ELAVL2: variants seen among roughly 807,000 people sequenced by gnomAD.
The protein encoded by ELAVL2 is ELAV-like protein 2.
ELAVL2 carries 4 observed loss-of-function variants against 34.6 expected under a neutral mutation model. The observed-to-expected ratio is 0.12, with a 90% CI of 0.06 to 0.26. The LOEUF (loss-of-function observed/expected upper bound fraction) is 0.26. Among genes scored for constraint, ELAVL2 ranks in the 10% least tolerant of loss-of-function variants. The probability of loss-of-function intolerance (pLI) is 1.00; values close to 1 mark genes in which losing one functional copy is unlikely to be tolerated. For synonymous variants in ELAVL2, 193 were observed against 154.8 expected (o/e 1.25, Z -1.83); for missense variants, 432 against 442.8 (o/e 0.98, Z 0.22).
intron 3 of ELAVL2, among the ~76,000 whole-genome samples, chr9:23,728,932 CCCTGACCCACATCTCAGAAA>C (rs1327996743): frequency 6.6e-6 from 1 of 152,090 alleles, no homozygotes; most frequent in Non-Finnish European, 1.5e-5. Flanking sequence ...TTGCCCATTA[CCCTGACCCACATCTCAGAAA>C]ATCAGAAACT....
At chr9:23,850,483 G>C in the ELAVL2 span, among the ~76,000 whole-genome samples, 1 of 152,022 alleles carries the variant, frequency 6.6e-6, no homozygotes, top group Non-Finnish European at 1.5e-5. Flanking sequence ...TTGCCGTCTC[G>C]TTCCTGCCTC....
chr9:23,731,419 G>A (rs994929512), intron 2 of ELAVL2, among the ~76,000 whole-genome samples: 22 of 152,080 alleles, frequency 1.4e-4, no homozygotes, highest in African/African-American at 5.1e-4. Context: ...GCAAGACAAG[G>A]TCAGCTTCAT....
At chr9:23,724,151 T>C (rs1329043) in intron 3 of ELAVL2, among the ~76,000 whole-genome samples, 1,863 of 152,272 alleles carry the variant, frequency 0.012, 38 homozygotes, top group African/African-American at 0.043. Flanking sequence ...GGTAACAAAA[T>C]GATCCATCAA....
the ELAVL2 span, among the ~76,000 whole-genome samples, chr9:23,844,072 GAA>G: frequency 1.3e-5 from 2 of 151,712 alleles, no homozygotes; most frequent in African/African-American, 4.8e-5. Context: ...CTTTAAAATG[GAA>G]AAAAAGTCAG....
intron 1 of ELAVL2, among the ~76,000 whole-genome samples, chr9:23,788,830 G>A (rs1385450201): frequency 6.6e-6 from 1 of 152,172 alleles, no homozygotes; most frequent in Non-Finnish European, 1.5e-5. Context: ...TAGACAAAGG[G>A]AGGATTCACA....
At chr9:23,733,827 C>T (rs1280136680) in intron 2 of ELAVL2, among the ~76,000 whole-genome samples, 1 of 152,132 alleles carries the variant, frequency 6.6e-6, no homozygotes, top group Non-Finnish European at 1.5e-5. Context: ...AAGGTATTAT[C>T]ATCATCACCA....
At chr9:23,771,709 A>C (rs2057337548) in intron 1 of ELAVL2, among the ~76,000 whole-genome samples, 1 of 152,204 alleles carries the variant, frequency 6.6e-6, no homozygotes, top group Non-Finnish European at 1.5e-5. Flanking sequence ...TTCAGAATTC[A>C]AAGTAAAATA....
At chr9:23,716,124 T>C (rs963092219) in intron 3 of ELAVL2, among the ~76,000 whole-genome samples, 5 of 142,518 alleles carry the variant, frequency 3.5e-5, no homozygotes, top group African/African-American at 1.3e-4. Context: ...ATGAGAACAC[T>C]TGGACACAGG....
intron 2 of ELAVL2, among the ~76,000 whole-genome samples, chr9:23,759,792 T>TATATATATATATA: frequency 2.8e-5 from 2 of 71,958 alleles, no homozygotes; most frequent in Non-Finnish European, 5.7e-5. Flanking sequence ...ATATATATAA[T>TATATATATATATA]GTATAGAAAC....
chr9:23,700,110 G>C (rs1032537959), intron 5 of ELAVL2, among the ~76,000 whole-genome samples: 2 of 151,962 alleles, frequency 1.3e-5, no homozygotes, highest in African/African-American at 4.8e-5. Context: ...ATTTAAGCTA[G>C]AAAACATAAC....
the ELAVL2 span, among the ~76,000 whole-genome samples, chr9:23,835,849 T>C: frequency 4.6e-5 from 7 of 152,142 alleles, no homozygotes; most frequent in African/African-American, 9.7e-5. Context: ...TAGGTAACAA[T>C]AGAAAACAGA....
intron 1 of ELAVL2, among the ~76,000 whole-genome samples, chr9:23,769,165 C>G (rs1055527883): frequency 6.6e-6 from 1 of 152,120 alleles, no homozygotes; most frequent in African/African-American, 2.4e-5. Context: ...GAACAGAAGA[C>G]ATTTGTCTCT....
chr9:23,788,714 C>T (rs1041528178), intron 1 of ELAVL2, among the ~76,000 whole-genome samples: 1 of 152,104 alleles, frequency 6.6e-6, no homozygotes, highest in Non-Finnish European at 1.5e-5. Context: ...GCTTTGGGGC[C>T]GCTGAAAGTA....
intron 1 of ELAVL2, among the ~76,000 whole-genome samples, chr9:23,824,901 C>A (rs1417134508): frequency 1.3e-5 from 2 of 152,082 alleles, no homozygotes; most frequent in East Asian, 3.9e-4. Context: ...GGGGTGGCTG[C>A]GAAGCCTCGC....
chr9:23,845,081 T>A, the ELAVL2 span, among the ~76,000 whole-genome samples: 3 of 151,912 alleles, frequency 2.0e-5, no homozygotes, highest in Admixed American at 6.6e-5. Flanking sequence ...CCAGAATTTA[T>A]CCTAAAATAC....
At chr9:23,726,965 T>G (rs907417242) in intron 3 of ELAVL2, among the ~76,000 whole-genome samples, 2 of 152,050 alleles carry the variant, frequency 1.3e-5, no homozygotes, top group Non-Finnish European at 2.9e-5. Context: ...GAAAAACCTC[T>G]CTTCTTCTCA....
rs1563877000 is a variant in ELAVL2 at position 23,691,761 on chromosome 9, T to C, written c.*796A>G. 2 of 152,572 alleles carry C rather than the reference T, an allele frequency of 1.3e-5. No individual in the cohort carries two copies. The highest frequency in any genetic ancestry group is 2.9e-5 in the Non-Finnish European group (2 of 68,014). The allele number at this position is 152,572 out of a possible 1,614,324, so 9.5% of individuals were successfully genotyped here. On this transcript the variant is annotated 3_prime_UTR_variant, in exon 7 of 7. Coordinates refer to ENST00000397312, the MANE Select transcript of ELAVL2 (RefSeq NM_004432.5). ...CTACACCATAAATCTTTCTAAATTTTCCAACCGCTGCAAATTTCCTGGTAA... is the reference window on the plus strand; with the variant it reads ...CTACACCATAAATCTTTCTAAATTTCCCAACCGCTGCAAATTTCCTGGTAA...
At chr9:23,770,890 C>A (rs1011504473) in intron 1 of ELAVL2, among the ~76,000 whole-genome samples, 1 of 152,166 alleles carries the variant, frequency 6.6e-6, no homozygotes, top group African/African-American at 2.4e-5. Flanking sequence ...AGGCAGAGAC[C>A]TGCCAGTGCA....
chr9:23,699,371 T>C (rs550394851), intron 5 of ELAVL2, among the ~76,000 whole-genome samples: 1 of 152,302 alleles, frequency 6.6e-6, no homozygotes, highest in African/African-American at 2.4e-5. Context: ...TCCAAGAACT[T>C]TGTTTTACTT....
Sources: allele counts gnomAD v4.1 joint callset (sites outside exome capture counted in the v4.1 genomes callset), GRCh38; gene constraint gnomAD v4.1.1; transcripts MANE v1.5; gene names NCBI Gene and HGNC (gene_info 2026-07-23, HGNC 2026-07-21).